NINJ2: variants seen among roughly 807,000 people sequenced by gnomAD.
NINJ2 encodes the protein ninjurin-2.
In NINJ2, 12 loss-of-function variants were observed where a neutral mutation model predicts 11.7. The ratio of observed to expected loss-of-function variants is 1.02; its 90% confidence interval spans 0.66 to 1.66. The LOEUF (loss-of-function observed/expected upper bound fraction) is 1.66, where lower values mean the gene tolerates loss of function less well. Among genes scored for constraint, NINJ2 ranks in the 40% most tolerant of loss-of-function variants. The pLI, the probability that NINJ2 is intolerant of heterozygous loss-of-function variation, is 0.00. For synonymous variants in NINJ2, 93 were observed against 76.8 expected, an observed-to-expected ratio of 1.21 and a Z score of -1.10; for missense variants, 187 against 181.8, an observed-to-expected ratio of 1.03 and a Z score of -0.16.
At chr12:647,147 A>G (rs1411455814) in intron 1 of NINJ2, among the ~76,000 whole-genome samples, 3 of 152,072 alleles carry the variant, frequency 2.0e-5, no homozygotes, top group African/African-American at 4.8e-5. Context: ...CAGAAGGCAT[A>G]TTCCCCCATC....
At chr12:638,323 C>T (rs1273435025) in intron 1 of NINJ2, among the ~76,000 whole-genome samples, 4 of 152,240 alleles carry the variant, frequency 2.6e-5, no homozygotes, top group Admixed American at 6.5e-5. Flanking sequence ...CCAGGCCCAT[C>T]GCTCCAATAT....
chr12:649,761 G>T (rs1046308490), intron 1 of NINJ2, among the ~76,000 whole-genome samples: 7 of 151,610 alleles, frequency 4.6e-5, no homozygotes, highest in South Asian at 2.1e-4. Flanking sequence ...TAACCTTTTG[G>T]TTTATTTTTT....
chr12:654,631 C>T (rs1386094246), intron 1 of NINJ2, among the ~76,000 whole-genome samples: 3 of 151,286 alleles, frequency 2.0e-5, no homozygotes, highest in East Asian at 2.0e-4. Context: ...CAGTGGCTCA[C>T]GCCTTTAACC....
At chr12:656,161 G>A (rs1392505603) in intron 1 of NINJ2, among the ~76,000 whole-genome samples, 3 of 151,566 alleles carry the variant, frequency 2.0e-5, no homozygotes, top group Admixed American at 6.6e-5. Flanking sequence ...TCAAGAGATC[G>A]AGACCATCCT....
At chr12:656,102 C>T (rs968903170) in intron 1 of NINJ2, among the ~76,000 whole-genome samples, 1 of 151,798 alleles carries the variant, frequency 6.6e-6, no homozygotes, top group Non-Finnish European at 1.5e-5. Context: ...TAGTGGCTCG[C>T]GCCTGTAATC....
intron 1 of NINJ2, among the ~76,000 whole-genome samples, chr12:567,999 T>C (rs931525788): frequency 6.6e-6 from 1 of 152,174 alleles, no homozygotes; most frequent in Non-Finnish European, 1.5e-5. Flanking sequence ...AGAGTAAGAC[T>C]CTTGTCTCAA....
intron 1 of NINJ2, among the ~76,000 whole-genome samples, chr12:587,814 C>T (rs1947660601): frequency 6.6e-6 from 1 of 152,242 alleles, no homozygotes; most frequent in African/African-American, 2.4e-5. Context: ...GCCGTCCACC[C>T]AGGAAGCTCT....
At chr12:621,863 G>A (rs1592102507) in intron 1 of NINJ2, among the ~76,000 whole-genome samples, 1 of 151,632 alleles carries the variant, frequency 6.6e-6, no homozygotes, top group South Asian at 2.1e-4. Flanking sequence ...GCCACGCACT[G>A]TGGCTCACAC....
Position 566,005 on chromosome 12 carries a change from G to A in NINJ2, c.207C>T (p.Leu69=), listed in dbSNP as rs1200380599. ...SSHYYTTLVT[L]ISLSLLLQVV... ...CCTGCAGGAGCAGAGAGAGGCTGATGAGGGTGACCAGGGTGGTGTAGTAGT... is the reference window on the plus strand; with the variant it reads ...CCTGCAGGAGCAGAGAGAGGCTGATAAGGGTGACCAGGGTGGTGTAGTAGT... The change falls in exon 2 of 4, where the codon CTC becomes CTT. Residue 69 remains leucine (L), a synonymous_variant. Coordinates refer to ENST00000305108, the MANE Select transcript of NINJ2 (RefSeq NM_016533.6). 4 of 1,614,126 alleles carry A rather than the reference G, an allele frequency of 2.5e-6. No individual in the cohort carries two copies. Among genetic ancestry groups the A allele is most frequent in the Non-Finnish European group, 3.4e-6 (4 of 1,180,056 alleles).
At chr12:574,559 G>A (rs1310573246) in intron 1 of NINJ2, among the ~76,000 whole-genome samples, 1 of 150,798 alleles carries the variant, frequency 6.6e-6, no homozygotes, top group Non-Finnish European at 1.5e-5. Context: ...AAAAAGGTGA[G>A]CTTGGCTCCC....
chr12:601,464 T>C (rs888330236), intron 1 of NINJ2, among the ~76,000 whole-genome samples: 35 of 149,240 alleles, frequency 2.3e-4, no homozygotes, highest in South Asian at 6.4e-4. Context: ...AGGAGAATGG[T>C]GTGAACCTGG....
chr12:570,711 C>A (rs1282764938), intron 1 of NINJ2, among the ~76,000 whole-genome samples: 1 of 151,990 alleles, frequency 6.6e-6, no homozygotes, highest in Non-Finnish European at 1.5e-5. Context: ...GCCCTCCCTG[C>A]AGAGCTGGTC....
chr12:569,281 T>C (rs1947345169), intron 1 of NINJ2, among the ~76,000 whole-genome samples: 1 of 152,228 alleles, frequency 6.6e-6, no homozygotes, highest in African/African-American at 2.4e-5. Context: ...CAAAGGCCCA[T>C]GGTCGCCGTC....
At chr12:629,894 A>T (rs866303455) in intron 1 of NINJ2, among the ~76,000 whole-genome samples, 4 of 16,572 alleles carry the variant, frequency 2.4e-4, no homozygotes, top group African/African-American at 3.7e-4. Flanking sequence ...AAAAAAAAAA[A>T]AAATATATAT....
intron 1 of NINJ2, among the ~76,000 whole-genome samples, chr12:637,415 G>A (rs1948365347): frequency 6.6e-6 from 1 of 151,632 alleles, no homozygotes; most frequent in Non-Finnish European, 1.5e-5. Flanking sequence ...GCCGAGGCAG[G>A]CAGATCACGA....
intron 2 of NINJ2, 106 bp from the exon 3 acceptor site, chr12:565,507 C>T (rs983943740): frequency 4.5e-5 from 54 of 1,195,550 alleles, no homozygotes; most frequent in Non-Finnish European, 5.8e-5. Context: ...TTCAGAAACC[C>T]ATGTGGCAGA....
intron 1 of NINJ2, among the ~76,000 whole-genome samples, chr12:659,708 T>C (rs12307171): frequency 0.22 from 33,484 of 152,150 alleles, 3,777 homozygotes; most frequent in South Asian, 0.27. Context: ...GACCTGGAGA[T>C]ACATTTGCAA....
chr12:627,571 CGA>C (rs1948223638), intron 1 of NINJ2, among the ~76,000 whole-genome samples: 1 of 152,142 alleles, frequency 6.6e-6, no homozygotes, highest in Admixed American at 6.5e-5. Flanking sequence ...ATTGGAGCCT[CGA>C]ATGGGTTGGG....
chr12:583,240 C>CGCAG lies in NINJ2; in HGVS notation c.34-17066_34-17063dup, dbSNP rs146729209. On this transcript the variant is annotated intron_variant, in intron 1 of 3. Transcript: ENST00000305108. ...ATGCTAGTGTGAATGAATGAATGGG[C>CGCAG]GCAGGCAGGCAGGCATGCTAGTCCT... Among the ~76,000 whole-genome samples the CGCAG allele has an allele frequency of 3.9e-3, 588 of 150,996 alleles. 27 individuals carry two copies. The East Asian group carries it at 0.097, about 25-fold the overall frequency.
Sources: gnomAD v4.1 joint callset for allele counts (sites outside exome capture counted in the v4.1 genomes callset) on GRCh38, gnomAD v4.1.1 for gene constraint, MANE v1.5 for transcripts, NCBI Gene and HGNC (gene_info 2026-07-23, HGNC 2026-07-21) for gene names.